The following DOCK1 variants were observed in gnomAD, a reference collection of about 807,000 sequenced individuals.
DOCK1 encodes the protein dedicator of cytokinesis protein 1.
In DOCK1, 138 loss-of-function variants were observed where a neutral mutation model predicts 262.7. That is an observed-to-expected ratio of 0.53 (90% confidence interval 0.46 to 0.61). DOCK1 has a LOEUF of 0.61. Ranked by LOEUF, DOCK1 falls within the 20% of genes least tolerant of loss-of-function variation. The pLI is 0.00. For synonymous variants in DOCK1, 866 were observed against 867.4 expected (o/e 1.00, Z 0.03); for missense variants, 1,908 against 2,370.7 (o/e 0.80, Z 4.05).
intron 23 of DOCK1, among the ~76,000 whole-genome samples, chr10:127,066,495 A>G (rs917631872): frequency 7.2e-5 from 11 of 152,134 alleles, no homozygotes; most frequent in Non-Finnish European, 1.5e-4. Flanking sequence ...TTCAGCTGCC[A>G]GGAGAAATGG....
At chr10:127,205,819 GT>G (rs1300994673) in intron 27 of DOCK1, among the ~76,000 whole-genome samples, 2 of 152,118 alleles carry the variant, frequency 1.3e-5, no homozygotes, top group Non-Finnish European at 2.9e-5. Context: ...AGACACAATG[GT>G]CTCCCATAGC....
At chr10:127,386,775 C>G (rs1195133793) in intron 38 of DOCK1, among the ~76,000 whole-genome samples, 1 of 152,150 alleles carries the variant, frequency 6.6e-6, no homozygotes, top group African/African-American at 2.4e-5. Flanking sequence ...ATCCCCCACC[C>G]CGGTCCATGG....
At chr10:126,928,870 A>G (rs934403816) in intron 1 of DOCK1, among the ~76,000 whole-genome samples, 45 of 152,372 alleles carry the variant, frequency 3.0e-4, no homozygotes, top group Non-Finnish European at 5.4e-4. Flanking sequence ...CAATCACCCC[A>G]TAGCCACTGT....
At chr10:127,184,418 C>T (rs1190897338) in intron 27 of DOCK1, among the ~76,000 whole-genome samples, 1 of 150,974 alleles carries the variant, frequency 6.6e-6, no homozygotes, top group Non-Finnish European at 1.5e-5. Flanking sequence ...TAGTTCCACA[C>T]TGTTCCCACC....
At chr10:126,972,057 C>A (rs2038153055) in intron 2 of DOCK1, among the ~76,000 whole-genome samples, 1 of 152,056 alleles carries the variant, frequency 6.6e-6, no homozygotes, top group African/African-American at 2.4e-5. Context: ...GCTGGGATTA[C>A]AGGCATGTGT....
At chr10:127,064,913 C>G (rs1352810552) in intron 23 of DOCK1, among the ~76,000 whole-genome samples, 2 of 152,206 alleles carry the variant, frequency 1.3e-5, no homozygotes, top group African/African-American at 4.8e-5. Flanking sequence ...CCCTGCAGCC[C>G]CTGGCAGCCA....
chr10:126,981,504 G>A (rs1317246312), intron 3 of DOCK1, among the ~76,000 whole-genome samples: 1 of 152,210 alleles, frequency 6.6e-6, no homozygotes, highest in African/African-American at 2.4e-5. Context: ...GTGGGTCTGG[G>A]TACGTGGTCA....
At chr10:127,447,351 G>A (rs369271219) in intron 50 of DOCK1, 43 bp from the exon 51 acceptor site, 60 of 1,589,986 alleles carry the variant, frequency 3.8e-5, no homozygotes, top group South Asian at 3.6e-4. Flanking sequence ...TTCAGGCTCC[G>A]TGGGGAAGTC....
intron 16 of DOCK1, among the ~76,000 whole-genome samples, chr10:127,027,114 A>G (rs2042918478): frequency 6.6e-6 from 1 of 152,216 alleles, no homozygotes; most frequent in East Asian, 1.9e-4. Context: ...ACAATAAATG[A>G]CAAAGAGAGT....
intron 30 of DOCK1, among the ~76,000 whole-genome samples, chr10:127,339,733 G>GTGTGTGTGTGTGTGCA (rs71032552): frequency 0.036 from 3,908 of 108,760 alleles, 202 homozygotes; most frequent in East Asian, 0.062. Context: ...GTGTGTGTGT[G>GTGTGTGTGTGTGTGCA]TGCATGCTGT....
At chr10:127,321,482 AG>A (rs2135569330) in intron 29 of DOCK1, among the ~76,000 whole-genome samples, 1 of 150,662 alleles carries the variant, frequency 6.6e-6, no homozygotes, top group Non-Finnish European at 1.5e-5. Flanking sequence ...TTGATTTCCA[AG>A]GATTTCTTTA....
At chr10:127,019,039 T>A in intron 13 of DOCK1, 1 of 729,960 alleles carries the variant, frequency 1.4e-6, no homozygotes, top group Non-Finnish European at 2.1e-6. Flanking sequence ...CCTGTACCCC[T>A]GGATGGATCA....
chr10:127,358,033 G>T (rs1366342497), intron 32 of DOCK1, among the ~76,000 whole-genome samples: 2 of 151,816 alleles, frequency 1.3e-5, no homozygotes, highest in Non-Finnish European at 2.9e-5. Flanking sequence ...TTTGTAAATG[G>T]GTGCAGGTTT....
intron 29 of DOCK1, among the ~76,000 whole-genome samples, chr10:127,334,560 T>C (rs1468432014): frequency 6.6e-6 from 1 of 152,226 alleles, no homozygotes; most frequent in Admixed American, 6.5e-5. Context: ...TTTCTCTCCA[T>C]TGAGCCATTA....
chr10:127,085,383 A>G (rs2047135214), intron 23 of DOCK1, among the ~76,000 whole-genome samples: 1 of 152,244 alleles, frequency 6.6e-6, no homozygotes, highest in East Asian at 1.9e-4. Context: ...GCAAAGAGAC[A>G]GTAGAGAATT....
intron 14 of DOCK1, 76 bp from the exon 15 acceptor site, chr10:127,024,609 A>G (rs3818879): frequency 0.38 from 466,138 of 1,243,020 alleles, 89,144 homozygotes; most frequent in African/African-American, 0.48. Flanking sequence ...CTGTCCCCCC[A>G]CATATATAGT....
intron 10 of DOCK1, chr10:127,001,585 A>G (rs2040599555): frequency 6.6e-6 from 1 of 152,212 alleles, no homozygotes; most frequent in South Asian, 2.1e-4. Flanking sequence ...TAGCTTCACC[A>G]TCCTAAAAGT....
At chr10:126,924,160 G>A (rs116167848) in intron 1 of DOCK1, among the ~76,000 whole-genome samples, 1,399 of 130,908 alleles carry the variant, frequency 0.011, 12 homozygotes, top group African/African-American at 0.037. Flanking sequence ...GGAACTGAGC[G>A]GGGGGACTTG....
At chr10:127,065,311 G>A (rs368421725) in intron 23 of DOCK1, among the ~76,000 whole-genome samples, 6 of 152,152 alleles carry the variant, frequency 3.9e-5, no homozygotes, top group African/African-American at 1.2e-4. Context: ...GTGCCCGGCC[G>A]TGTTTGGCTT....
Sources: allele counts gnomAD v4.1 joint callset (sites outside exome capture counted in the v4.1 genomes callset), GRCh38; gene constraint gnomAD v4.1.1; transcripts MANE v1.5; gene names NCBI Gene and HGNC (gene_info 2026-07-23, HGNC 2026-07-21).